Variants in NSRP1 observed in about 807,000 individuals in gnomAD.
The protein encoded by NSRP1 is nuclear speckle splicing regulatory protein 1, also known as coiled-coil domain containing 55.
A neutral mutation model predicts 54.7 loss-of-function variants in NSRP1; 24 were observed. The observed-to-expected ratio is 0.44, with a 90% CI of 0.32 to 0.62. The LOEUF is 0.62. NSRP1 is among the 20% of genes least tolerant of loss of function. The pLI is 0.06. For synonymous variants in NSRP1, 210 were observed against 213.8 expected (o/e 0.98, Z 0.15); for missense variants, 596 against 651.2 (o/e 0.92, Z 0.92).
At chr17:30,141,568 G>A (rs1344257861) in intron 2 of NSRP1, among the ~76,000 whole-genome samples, 2 of 151,988 alleles carry the variant, frequency 1.3e-5, no homozygotes, top group Admixed American at 1.3e-4. Context: ...GACAATTCAT[G>A]TATGTTTGAA....
chr17:30,172,812 T>C (rs536818949), intron 3 of NSRP1, among the ~76,000 whole-genome samples: 1 of 152,194 alleles, frequency 6.6e-6, no homozygotes, highest in South Asian at 2.1e-4. Flanking sequence ...CCTGTTGTTA[T>C]TATTAAATTC....
intron 3 of NSRP1, 118 bp downstream of exon 3, chr17:30,172,716 T>C (rs1904997230): frequency 4.3e-6 from 3 of 698,960 alleles, no homozygotes; most frequent in East Asian, 2.8e-5. Context: ...AAAAACACAA[T>C]GAAGAATTAG....
rs751875177 is a variant in NSRP1 at position 30,184,645 on chromosome 17, C to T, written c.648C>T (p.Gly216=). ...RSGIKEEKSR[G]FSNEVSSKNR... The stretch of plus-strand genomic sequence containing the variant: ...GTATAAAGGAAGAAAAATCAAGGGG[C>T]TTCTCCAATGAAGTAAGTTCAAAAA... The change falls in exon 7 of 7, where the codon GGC becomes GGT. Residue 216 remains glycine, a synonymous_variant. Transcript: ENST00000247026. 11 of 1,577,602 alleles carry T rather than the reference C, an allele frequency of 7.0e-6. No individual in the cohort carries two copies. Among genetic ancestry groups the T allele is most frequent in the Non-Finnish European group, 9.5e-6 (11 of 1,162,842 alleles).
At chr17:30,164,850 T>G (rs1445743519) in intron 2 of NSRP1, among the ~76,000 whole-genome samples, 1 of 152,150 alleles carries the variant, frequency 6.6e-6, no homozygotes, top group African/African-American at 2.4e-5. Context: ...TGTGTTACAC[T>G]GCAAACTGGT....
chr17:30,185,909 AC>A lies in NSRP1; in HGVS notation c.*237del. On this transcript the variant is annotated 3_prime_UTR_variant, in exon 7 of 7. Transcript: ENST00000247026. ...ACCACATTCTTTGTTGTATTCAAGAACCGTTAAGAGTGTGCTAATTCCCTGT... is the reference window on the plus strand; with the variant it reads ...ACCACATTCTTTGTTGTATTCAAGAACGTTAAGAGTGTGCTAATTCCCTGT... 3.0e-6 allele frequency: 1 copy of A among 333,278 alleles called. No homozygotes were observed. Among genetic ancestry groups the A allele is most frequent in the Non-Finnish European group, 5.4e-6 (1 of 186,394 alleles). 20.6% of individuals were successfully genotyped at this position (333,278 alleles called of 1,614,324 possible). A position where few individuals can be genotyped will look rare whatever the true frequency, so the allele number is the denominator to read the frequency against.
intron 3 of NSRP1, among the ~76,000 whole-genome samples, chr17:30,175,167 T>G (rs1487298975): frequency 6.6e-6 from 1 of 152,200 alleles, no homozygotes; most frequent in East Asian, 1.9e-4. Context: ...TTCTGTTCTC[T>G]TTTCTAATAT....
intron 2 of NSRP1, among the ~76,000 whole-genome samples, chr17:30,136,880 CAT>C (rs1045516900): frequency 6.6e-6 from 1 of 152,090 alleles, no homozygotes; most frequent in Admixed American, 6.6e-5. Flanking sequence ...GTACATACAT[CAT>C]ATTTTATGTA....
chr17:30,137,990 A>G (rs2071765129), intron 2 of NSRP1, among the ~76,000 whole-genome samples: 4 of 152,098 alleles, frequency 2.6e-5, no homozygotes, highest in Admixed American at 2.6e-4. Flanking sequence ...GAAAGTGTAT[A>G]CTCATTATAT....
At chr17:30,180,218 A>G (rs1197080805) in intron 5 of NSRP1, among the ~76,000 whole-genome samples, 1 of 152,084 alleles carries the variant, frequency 6.6e-6, no homozygotes, top group Non-Finnish European at 1.5e-5. Flanking sequence ...GTGCAGTCGT[A>G]TGATCTTGGC....
intron 2 of NSRP1, chr17:30,128,222 A>G (rs944767275): frequency 1.9e-5 from 3 of 157,174 alleles, no homozygotes; most frequent in Non-Finnish European, 4.1e-5. Context: ...AAGCCATAGT[A>G]TATTCCTTTT....
At chr17:30,146,221 T>A (rs927418159) in intron 2 of NSRP1, among the ~76,000 whole-genome samples, 15 of 152,174 alleles carry the variant, frequency 9.9e-5, no homozygotes, top group African/African-American at 3.6e-4. Flanking sequence ...CACTTCTTTT[T>A]CAAACTTGAT....
At chr17:30,153,730 T>C (rs1306603416) in intron 2 of NSRP1, among the ~76,000 whole-genome samples, 3 of 152,176 alleles carry the variant, frequency 2.0e-5, no homozygotes, top group Non-Finnish European at 4.4e-5. Flanking sequence ...TCCACCAACC[T>C]GTGTATTCAC....
chr17:30,139,565 G>A (rs1211762623), intron 2 of NSRP1, among the ~76,000 whole-genome samples: 1 of 151,636 alleles, frequency 6.6e-6, no homozygotes, highest in Non-Finnish European at 1.5e-5. Context: ...TTGCTATTAA[G>A]TCGCATTGGC....
At chr17:30,130,002 A>G (rs1381874026) in intron 2 of NSRP1, among the ~76,000 whole-genome samples, 1 of 152,208 alleles carries the variant, frequency 6.6e-6, no homozygotes, top group Non-Finnish European at 1.5e-5. Flanking sequence ...TGAAAAAGCA[A>G]GAAGAGAGAA....
intron 2 of NSRP1, among the ~76,000 whole-genome samples, chr17:30,153,035 C>T (rs2071928617): frequency 6.7e-6 from 1 of 150,338 alleles, no homozygotes; most frequent in South Asian, 2.1e-4. Context: ...TGCCTCACCT[C>T]TCCTCAGTAG....
chr17:30,170,124 A>G (rs1279354228), intron 2 of NSRP1, among the ~76,000 whole-genome samples: 2 of 152,184 alleles, frequency 1.3e-5, no homozygotes, highest in Non-Finnish European at 2.9e-5. Context: ...GCTTTTTTAA[A>G]AAGATGTAAT....
At chr17:30,176,464 G>A (rs966418223) in intron 3 of NSRP1, among the ~76,000 whole-genome samples, 4 of 151,958 alleles carry the variant, frequency 2.6e-5, no homozygotes, top group Non-Finnish European at 4.4e-5. Context: ...CAAAAAATTA[G>A]CCAGGCATGG....
chr17:30,174,619 CTCTGATAGATATT>C (rs1189870272), intron 3 of NSRP1, among the ~76,000 whole-genome samples: 1 of 152,070 alleles, frequency 6.6e-6, no homozygotes, highest in Non-Finnish European at 1.5e-5. Context: ...TGCTGTAGGT[CTCTGATAGATATT>C]TGTTGCTAAT....
chr17:30,172,026 A>G (rs1567804471), intron 2 of NSRP1, among the ~76,000 whole-genome samples: 1 of 138,448 alleles, frequency 7.2e-6, no homozygotes, highest in Non-Finnish European at 1.6e-5. Flanking sequence ...ACATGTTCAC[A>G]TGAAGCAAAT....
Sources: gnomAD v4.1 joint callset for allele counts (sites outside exome capture counted in the v4.1 genomes callset) on GRCh38, gnomAD v4.1.1 for gene constraint, MANE v1.5 for transcripts, NCBI Gene and HGNC (gene_info 2026-07-23, HGNC 2026-07-21) for gene names.